The following DOCK1 variants were observed in gnomAD, a reference collection of about 807,000 sequenced individuals.
The protein encoded by DOCK1 is dedicator of cytokinesis 1.
Under a neutral mutation model 262.7 loss-of-function variants are expected in DOCK1, and 138 were observed. The observed-to-expected ratio is 0.53, with a 90% CI of 0.46 to 0.61. The LOEUF (loss-of-function observed/expected upper bound fraction) is 0.61, where lower values mean the gene tolerates loss of function less well. Ranked by LOEUF, DOCK1 falls within the 20% of genes least tolerant of loss-of-function variation. The pLI is 0.00. For synonymous variants in DOCK1, 866 were observed against 867.4 expected (o/e 1.00, Z 0.03); for missense variants, 1,908 against 2,370.7 (o/e 0.80, Z 4.05).
At chr10:127,024,560 C>T in intron 14 of DOCK1, 125 bp from the exon 15 acceptor site, 2 of 757,726 alleles carry the variant, frequency 2.6e-6, no homozygotes, top group Non-Finnish European at 2.1e-6. Context: ...GGAACGTGTT[C>T]ATTTGTGGTG....
intron 29 of DOCK1, among the ~76,000 whole-genome samples, chr10:127,288,572 A>C (rs181580690): frequency 6.6e-6 from 1 of 152,132 alleles, no homozygotes; most frequent in East Asian, 1.9e-4. Flanking sequence ...CTATATTTGC[A>C]TTTCCAATTT....
chr10:127,175,193 C>T lies in DOCK1; in HGVS notation c.2847+47429C>T, dbSNP rs749546118. ...GATCAGCCTGCATAGCTTCCTAAGA[C>T]ATGGGTGAACATACATACCCTTCCC... On this transcript the variant is annotated intron_variant, in intron 27 of 51. Coordinates refer to ENST00000623213, the MANE Select transcript of DOCK1 (RefSeq NM_001290223.2). The surrounding 1 kb of genome is among the most constrained non-coding windows in gnomAD (Gnocchi z 6.3). 3.8e-6 allele frequency: 6 copies of T among 1,586,902 alleles called. No individual in the cohort carries two copies. In the Admixed American group the frequency reaches 8.5e-5, roughly 22 times the overall value.
chr10:126,953,555 G>C (rs1404549510), intron 1 of DOCK1, among the ~76,000 whole-genome samples: 2 of 152,016 alleles, frequency 1.3e-5, no homozygotes, highest in African/African-American at 4.8e-5. Context: ...TGGTAGTATT[G>C]TTAATCAGTG....
At chr10:127,164,891 C>T (rs1243892279) in intron 27 of DOCK1, among the ~76,000 whole-genome samples, 1 of 151,968 alleles carries the variant, frequency 6.6e-6, no homozygotes, top group Non-Finnish European at 1.5e-5. Flanking sequence ...GTCATTTGGC[C>T]CAGAAGGCAC....
chr10:127,254,308 C>T (rs889689948), intron 28 of DOCK1, among the ~76,000 whole-genome samples: 2 of 152,178 alleles, frequency 1.3e-5, no homozygotes, highest in African/African-American at 4.8e-5. Context: ...CTTTTGTAGA[C>T]TATCTCCCAT....
intron 27 of DOCK1, among the ~76,000 whole-genome samples, chr10:127,157,107 G>T (rs749273820): frequency 1.3e-5 from 2 of 152,222 alleles, no homozygotes; most frequent in Non-Finnish European, 2.9e-5. Context: ...TGAGCGAACG[G>T]TTAATTTTTG....
At chr10:127,333,283 G>A (rs1174048274) in intron 29 of DOCK1, among the ~76,000 whole-genome samples, 3 of 152,152 alleles carry the variant, frequency 2.0e-5, no homozygotes, top group African/African-American at 7.2e-5. Context: ...TGTGAGAAAT[G>A]GGGCTGTGCA....
intron 29 of DOCK1, among the ~76,000 whole-genome samples, chr10:127,318,245 CTG>C (rs1476033146): frequency 1.3e-5 from 2 of 152,164 alleles, no homozygotes; most frequent in African/African-American, 4.8e-5. Context: ...AAGACGGGAA[CTG>C]TGTGAGCCAG....
chr10:127,332,016 G>A (rs1003767307), intron 29 of DOCK1, among the ~76,000 whole-genome samples: 4 of 152,200 alleles, frequency 2.6e-5, no homozygotes, highest in Admixed American at 2.6e-4. Flanking sequence ...TGGAGGAACC[G>A]GTGGCTGGGA....
chr10:127,057,210 T>TA (rs1187788685), intron 22 of DOCK1, among the ~76,000 whole-genome samples: 2 of 152,208 alleles, frequency 1.3e-5, no homozygotes, highest in Non-Finnish European at 2.9e-5. Flanking sequence ...CTCATCTTCT[T>TA]ACCTGCAGCA....
rs768795514 is a variant in DOCK1, at chr10:127,373,838, G to A, written c.3490G>A (p.Glu1164Lys). ...DHEVEGGRGD[E>K]QYKVLFDKIL... ...TGAAGTCGAAGGAGGCAGAGGAGAC[G>A]AACAGTACAAAGTGTTATTTGATAA... Residue 1164 changes from glutamate to lysine, a missense_variant, in exon 34 of 52, where the codon GAA (glutamate) becomes AAA (lysine). Coordinates refer to ENST00000623213, the MANE Select transcript of DOCK1 (RefSeq NM_001290223.2). 1.1e-5 allele frequency: 18 copies of A among 1,610,482 alleles called. No homozygotes were observed. The highest frequency in any genetic ancestry group is 4.5e-5 in the East Asian group (2 of 44,858).
At position 127,333,487 on chromosome 10, in the gene DOCK1, C is replaced by T. The variant is rs369159394; in HGVS notation, c.3045-5519C>T. 6.2e-4 allele frequency among the ~76,000 whole-genome samples: 95 copies of T among 152,324 alleles called. 1 individual carries two copies. The South Asian group carries it at 0.019, about 30-fold the overall frequency. On this transcript the variant is annotated intron_variant, in intron 29 of 51. Coordinates refer to ENST00000623213, the MANE Select transcript of DOCK1 (RefSeq NM_001290223.2). ...AATTGGTTCCTGATTACTTTTCACT[C>T]GCTAAGTTCCCCTCAGCTCAATTAA...
intron 30 of DOCK1, among the ~76,000 whole-genome samples, chr10:127,341,639 G>A (rs971176440): frequency 6.6e-6 from 1 of 152,092 alleles, no homozygotes; most frequent in African/African-American, 2.4e-5. Context: ...GTGTGTTTTA[G>A]TTGTGGCTGC....
At chr10:127,367,632 G>T (rs1312422220) in intron 33 of DOCK1, among the ~76,000 whole-genome samples, 1 of 152,150 alleles carries the variant, frequency 6.6e-6, no homozygotes, top group Non-Finnish European at 1.5e-5. Context: ...GAGATGGGAG[G>T]CCCCAGATGT....
chr10:127,309,023 T>C (rs1590375362), intron 29 of DOCK1, among the ~76,000 whole-genome samples: 1 of 152,206 alleles, frequency 6.6e-6, no homozygotes, highest in Non-Finnish European at 1.5e-5. Context: ...GTGTCTTCCA[T>C]GATGGTTGAA....
At chr10:126,953,469 G>A (rs1012302584) in intron 1 of DOCK1, among the ~76,000 whole-genome samples, 31 of 151,874 alleles carry the variant, frequency 2.0e-4, no homozygotes, top group African/African-American at 7.0e-4. Context: ...GGCAGTGGAG[G>A]TGGTAGTGGT....
chr10:127,338,011 G>A (rs1448039510), intron 29 of DOCK1, among the ~76,000 whole-genome samples: 5 of 152,126 alleles, frequency 3.3e-5, no homozygotes, highest in Non-Finnish European at 5.9e-5. Flanking sequence ...ACATGGCCAG[G>A]GCGTGGGGAG....
rs540998793 is a variant in DOCK1, at chr10:127,369,626, A to C, written c.3433-4155A>C. On this transcript the variant is annotated intron_variant, in intron 33 of 51. Coordinates refer to ENST00000623213, the MANE Select transcript of DOCK1 (RefSeq NM_001290223.2). ...GCTGCACCTGTCTCAGGCATCAGCA[A>C]GGTGTCATGGCCTGCGATGCAGCCA... 4.6e-5 allele frequency among the ~76,000 whole-genome samples: 7 copies of C among 152,344 alleles called. No homozygotes were observed. In the East Asian group the frequency reaches 1.4e-3, roughly 29 times the overall value.
At chr10:127,227,686 G>A (rs1471537275) in intron 27 of DOCK1, among the ~76,000 whole-genome samples, 2 of 152,244 alleles carry the variant, frequency 1.3e-5, no homozygotes, top group African/African-American at 4.8e-5. Flanking sequence ...TGCATAGTTA[G>A]TGGGGAAGCC....
Sources: gnomAD v4.1 joint callset for allele counts (sites outside exome capture counted in the v4.1 genomes callset) on GRCh38, gnomAD v4.1.1 for gene constraint, Gnocchi (gnomAD v3.1) non-coding constraint, MANE v1.5 for transcripts, NCBI Gene and HGNC (gene_info 2026-07-23, HGNC 2026-07-21) for gene names.